Variants in NKD1 observed in about 807,000 individuals in gnomAD.
NKD1 encodes the protein protein naked cuticle homolog 1.
In NKD1, 21 loss-of-function variants were observed where a neutral mutation model predicts 56.0. The ratio of observed to expected loss-of-function variants is 0.38; its 90% CI spans 0.27 to 0.54. The LOEUF (loss-of-function observed/expected upper bound fraction) is 0.54, where lower values mean the gene tolerates loss of function less well. Among genes scored for constraint, NKD1 ranks in the 20% least tolerant of loss-of-function variants. The probability of loss-of-function intolerance (pLI) is 0.82; values close to 1 mark genes in which losing one functional copy is unlikely to be tolerated. For missense variants in NKD1, 578 were observed against 642.7 expected (o/e 0.90, Z 1.09); for synonymous variants, 263 against 265.7 (o/e 0.99, Z 0.10).
chr16:50,629,281 C>T (rs978902810), intron 6 of NKD1, among the ~76,000 whole-genome samples: 3 of 152,090 alleles, frequency 2.0e-5, no homozygotes, highest in African/African-American at 7.2e-5. Flanking sequence ...TTCTAAGGGC[C>T]CTGATCCTAT....
intron 3 of NKD1, among the ~76,000 whole-genome samples, chr16:50,589,968 C>A (rs1177791834): frequency 6.6e-6 from 1 of 152,090 alleles, no homozygotes; most frequent in Non-Finnish European, 1.5e-5. Context: ...CTGCCTCAGC[C>A]TCCTGAGTAG....
intron 7 of NKD1, among the ~76,000 whole-genome samples, chr16:50,630,578 C>G (rs1962322335): frequency 6.6e-6 from 1 of 151,214 alleles, no homozygotes; most frequent in Non-Finnish European, 1.5e-5. Flanking sequence ...GTGTTACGGG[C>G]AGCATGGCGT....
intron 3 of NKD1, among the ~76,000 whole-genome samples, chr16:50,562,545 T>G (rs542004604): frequency 1.3e-5 from 2 of 151,554 alleles, no homozygotes; most frequent in East Asian, 3.9e-4. Flanking sequence ...TCAGAAGGAG[T>G]GGAGAGAGAA....
intron 3 of NKD1, chr16:50,573,878 G>A (rs1446767807): frequency 1.7e-5 from 17 of 985,438 alleles, no homozygotes; most frequent in Non-Finnish European, 2.0e-5. Flanking sequence ...GCGGGGGTGA[G>A]GGTGCTGAGC....
At chr16:50,572,849 A>G in intron 3 of NKD1, 1 of 983,368 alleles carries the variant, frequency 1.0e-6, no homozygotes, top group Non-Finnish European at 1.2e-6. Context: ...AAGAGTGCTG[A>G]CCAAAGTCAG....
intron 3 of NKD1, among the ~76,000 whole-genome samples, chr16:50,560,696 A>G (rs560824200): frequency 2.0e-5 from 3 of 151,856 alleles, no homozygotes; most frequent in African/African-American, 7.3e-5. Context: ...TTTAGTGACC[A>G]AAATGAAATA....
intron 3 of NKD1, among the ~76,000 whole-genome samples, chr16:50,571,142 G>T (rs1960874511): frequency 6.6e-6 from 1 of 152,228 alleles, no homozygotes. Context: ...CAGACAGTTG[G>T]ATTAAAGGTC....
rs894476773 is a variant in NKD1 at position 50,598,026 on chromosome 16, C to T, written c.193-10268C>T. On this transcript the variant is annotated intron_variant, in intron 3 of 9. Transcript: ENST00000268459. The surrounding 1 kb of genome is among the most constrained non-coding windows in gnomAD (Gnocchi z 4.2). ...CTCCGGGTGAAGGGGACAGGATGGT[C>T]CAGGGCTGGGAGGCTCCAAGTGGGC... Among the ~76,000 whole-genome samples, 1 of 152,064 alleles carries T rather than the reference C, an allele frequency of 6.6e-6. No homozygotes were observed. The highest frequency in any genetic ancestry group is 2.1e-4 in the South Asian group (1 of 4,826).
At chr16:50,577,724 C>T (rs1248034952) in intron 3 of NKD1, among the ~76,000 whole-genome samples, 1 of 152,168 alleles carries the variant, frequency 6.6e-6, no homozygotes, top group African/African-American at 2.4e-5. Context: ...TGAGTTTGCC[C>T]ATTTTAGATT....
Position 50,645,893 on chromosome 16 carries a change from G to A in NKD1, c.*12112G>A, listed in dbSNP as rs1446663431. 6.6e-6 allele frequency: 1 copy of A among 152,200 alleles called. No homozygotes were observed. Among genetic ancestry groups the A allele is most frequent in the African/African-American group, 2.4e-5 (1 of 41,448 alleles). 9.4% of individuals were successfully genotyped at this position (152,200 alleles called of 1,614,324 possible). A position where few individuals can be genotyped will look rare whatever the true frequency, so the allele number is the denominator to read the frequency against. On this transcript the variant is annotated 3_prime_UTR_variant, in exon 10 of 10. Transcript: ENST00000268459. ...AGGCCCCAATTTCCTCTCTCTGGTA[G>A]TTGCTGAATTGGCTCTCGTGAAGGC...
chr16:50,549,287 C>T lies in NKD1; in HGVS notation c.59-135C>T, dbSNP rs1960319032. ...ACCCGCGTCCCTCTCTTGGCTCCTG[C>T]CCCAGCCCGCGAACCCCCTCCTGGC... is the stretch of plus-strand genomic sequence containing the variant. On this transcript the variant is annotated intron_variant, in intron 2 of 9. Transcript: ENST00000268459. The T allele has an allele frequency of 1.3e-5, 15 of 1,127,638 alleles. 1 individual carries two copies. In the East Asian group the frequency reaches 3.9e-4, roughly 29 times the overall value. 69.9% of individuals were successfully genotyped at this position (1,127,638 alleles called of 1,614,324 possible).
chr16:50,617,840 A>C (rs1371269368), intron 4 of NKD1, among the ~76,000 whole-genome samples: 1 of 152,238 alleles, frequency 6.6e-6, no homozygotes, highest in East Asian at 1.9e-4. Context: ...TGCCCTGCTC[A>C]TCAAGCACAT....
At chr16:50,579,916 C>T (rs896000923) in intron 3 of NKD1, among the ~76,000 whole-genome samples, 11 of 152,170 alleles carry the variant, frequency 7.2e-5, no homozygotes, top group Admixed American at 5.9e-4. Context: ...CACACATGCA[C>T]TGTTTTGGTC....
intron 3 of NKD1, chr16:50,557,433 A>G (rs1202319652): frequency 6.6e-6 from 1 of 152,162 alleles, no homozygotes; most frequent in Admixed American, 6.5e-5. Flanking sequence ...CTCTTATTGC[A>G]TTGGTTAGAA....
At chr16:50,594,264 G>A (rs1961428575) in intron 3 of NKD1, among the ~76,000 whole-genome samples, 1 of 152,230 alleles carries the variant, frequency 6.6e-6, no homozygotes, top group Non-Finnish European at 1.5e-5. Context: ...AGCTGGATTG[G>A]CCACAGTGTG....
Position 50,548,758 on chromosome 16 carries a change from G to A in NKD1, c.58+9G>A. On this transcript the variant is annotated intron_variant, in intron 2 of 9. Transcript: ENST00000268459. ...CAGGGAGAGCCCGGAAGGTAGGGGC[G>A]CGCGGGGCGCAGACCTCGGGGATGG... 1 of 1,413,326 alleles carries A rather than the reference G, an allele frequency of 7.1e-7. No homozygotes were observed. The highest frequency in any genetic ancestry group is 9.1e-7 in the Non-Finnish European group (1 of 1,095,182). The allele number at this position is 1,413,326 out of a possible 1,614,324, so 87.5% of individuals were successfully genotyped here. A position where few individuals can be genotyped will look rare whatever the true frequency, so the allele number is the denominator to read the frequency against.
intron 4 of NKD1, among the ~76,000 whole-genome samples, chr16:50,610,413 G>A (rs375273766): frequency 2.0e-5 from 3 of 152,138 alleles, no homozygotes; most frequent in African/African-American, 4.8e-5. Flanking sequence ...CCTGTGGCCC[G>A]AGGCCTCCCA....
In NKD1 at chr16:50,634,775, G is replaced by A. The variant is rs1457151532; in HGVS notation, c.*994G>A. ...TGGTTTGCTTCCCTGGATGCTTCTG[G>A]AACCCAGATGTGACCCTGCTTGTCT... On this transcript the variant is annotated 3_prime_UTR_variant, in exon 10 of 10. Coordinates refer to ENST00000268459, the MANE Select transcript of NKD1 (RefSeq NM_033119.5). 6.6e-6 allele frequency: 1 copy of A among 152,310 alleles called. No homozygotes were observed. The highest frequency in any genetic ancestry group is 2.4e-5 in the African/African-American group (1 of 41,440). The allele number at this position is 152,310 out of a possible 1,614,324, so 9.4% of individuals were successfully genotyped here. A position where few individuals can be genotyped will look rare whatever the true frequency, so the allele number is the denominator to read the frequency against.
At position 50,632,235 on chromosome 16, in the gene NKD1, A is replaced by C. The variant is rs2151281340; in HGVS notation, c.696-46A>C. On this transcript the variant is annotated intron_variant, in intron 8 of 9. Transcript: ENST00000268459. This position sits in a 1 kb window ranked among gnomAD's most constrained non-coding sequence, Gnocchi z 4.1. Reference sequence around the variant, plus strand: ...CCTAGTAGCCTATGCGCTTGCCCCCACCTGGTGGTTGGTGTTATCCCACTC... The same window carrying C: ...CCTAGTAGCCTATGCGCTTGCCCCCCCCTGGTGGTTGGTGTTATCCCACTC... 6.2e-7 allele frequency: 1 copy of C among 1,608,188 alleles called. No individual in the cohort carries two copies. Among genetic ancestry groups the C allele is most frequent in the Non-Finnish European group, 8.5e-7 (1 of 1,175,626 alleles).
Sources: allele counts gnomAD v4.1 joint callset (sites outside exome capture counted in the v4.1 genomes callset), GRCh38; gene constraint gnomAD v4.1.1; non-coding constraint Gnocchi (gnomAD v3.1); transcripts MANE v1.5; gene names NCBI Gene and HGNC (gene_info 2026-07-23, HGNC 2026-07-21).